The following STK32B variants were observed in gnomAD, a reference collection of about 807,000 sequenced individuals.
STK32B encodes serine/threonine kinase 32B, also known as serine/threonine-protein kinase 32B.
In STK32B, 43 loss-of-function variants were observed where a neutral mutation model predicts 52.6. That is an observed-to-expected ratio of 0.82 (90% CI 0.64 to 1.05). The LOEUF is 1.05. Ranked by LOEUF, STK32B falls within the 50% of genes least tolerant of loss-of-function variation. STK32B has a pLI of 0.00. For synonymous variants in STK32B, 238 were observed against 204.3 expected (o/e 1.17, Z -1.41); for missense variants, 621 against 534.6 (o/e 1.16, Z -1.59).
intron 4 of STK32B, among the ~76,000 whole-genome samples, chr4:5,353,268 A>T (rs1733954554): frequency 6.6e-6 from 1 of 152,182 alleles, no homozygotes; most frequent in Non-Finnish European, 1.5e-5. Flanking sequence ...TGGATTAAAG[A>T]CTTATATGTA....
intron 3 of STK32B, among the ~76,000 whole-genome samples, chr4:5,175,434 T>G (rs1387873722): frequency 1.3e-5 from 2 of 152,226 alleles, no homozygotes. Flanking sequence ...CTTTTTGGTT[T>G]TATCTACCTT....
intron 3 of STK32B, among the ~76,000 whole-genome samples, chr4:5,235,480 T>G (rs533315087): frequency 1.5e-4 from 23 of 152,300 alleles, no homozygotes; most frequent in African/African-American, 5.3e-4. Context: ...TGGCAAGCAC[T>G]TAGACTAGTA....
chr4:5,358,788 C>T (rs777054552), intron 4 of STK32B, among the ~76,000 whole-genome samples: 12 of 152,076 alleles, frequency 7.9e-5, no homozygotes, highest in African/African-American at 1.2e-4. Context: ...GCCTCCCTTT[C>T]CCCATCTTGA....
intron 6 of STK32B, among the ~76,000 whole-genome samples, chr4:5,437,122 G>A (rs769179691): frequency 6.6e-6 from 1 of 152,198 alleles, no homozygotes; most frequent in African/African-American, 2.4e-5. Flanking sequence ...CCCAGTACAC[G>A]GGAAAGGACC....
intron 4 of STK32B, among the ~76,000 whole-genome samples, chr4:5,354,567 A>G (rs1734053197): frequency 6.6e-6 from 1 of 152,182 alleles, no homozygotes; most frequent in East Asian, 1.9e-4. Context: ...GCCTGGCCCC[A>G]ATGGAAGGTG....
chr4:5,285,308 A>G (rs1728475803), intron 3 of STK32B, among the ~76,000 whole-genome samples: 2 of 152,110 alleles, frequency 1.3e-5, no homozygotes, highest in Admixed American at 1.3e-4. Context: ...CATGTTGTTT[A>G]GGGTCAACTT....
chr4:5,174,628 C>T (rs1021615114), intron 3 of STK32B, among the ~76,000 whole-genome samples: 30 of 152,284 alleles, frequency 2.0e-4, no homozygotes, highest in African/African-American at 7.0e-4. Flanking sequence ...TGAATATTGG[C>T]CTCCACTCTC....
At chr4:5,078,044 C>T (rs564702456) in intron 1 of STK32B, among the ~76,000 whole-genome samples, 1 of 152,238 alleles carries the variant, frequency 6.6e-6, no homozygotes, top group African/African-American at 2.4e-5. Flanking sequence ...CTTCTCTCAA[C>T]GTCTTAACAT....
At chr4:5,282,990 G>C (rs539902077) in intron 3 of STK32B, among the ~76,000 whole-genome samples, 20 of 152,076 alleles carry the variant, frequency 1.3e-4, no homozygotes, top group Non-Finnish European at 2.6e-4. Flanking sequence ...ATTTACTGTA[G>C]TGCCCTGCTG....
intron 9 of STK32B, among the ~76,000 whole-genome samples, chr4:5,463,650 C>T (rs1717209187): frequency 1.3e-5 from 2 of 151,862 alleles, no homozygotes; most frequent in South Asian, 4.2e-4. Context: ...CCCATACAAA[C>T]ACACACACAC....
chr4:5,357,785 A>G (rs1670411989), intron 4 of STK32B, among the ~76,000 whole-genome samples: 1 of 151,838 alleles, frequency 6.6e-6, no homozygotes, highest in Non-Finnish European at 1.5e-5. Flanking sequence ...ATTAGTAAAC[A>G]GGGGGAAAAC....
intron 3 of STK32B, among the ~76,000 whole-genome samples, chr4:5,262,695 C>T (rs757093535): frequency 1.3e-5 from 2 of 151,418 alleles, no homozygotes; most frequent in African/African-American, 2.4e-5. Context: ...AAGTATTAAC[C>T]AATTTTTTAA....
intron 3 of STK32B, among the ~76,000 whole-genome samples, chr4:5,261,183 C>T (rs989626228): frequency 2.0e-5 from 3 of 152,164 alleles, no homozygotes; most frequent in African/African-American, 7.2e-5. Flanking sequence ...TCACTACAGC[C>T]TGGCCCTGCT....
chr4:5,198,781 G>A (rs1373847345), intron 3 of STK32B, among the ~76,000 whole-genome samples: 2 of 152,174 alleles, frequency 1.3e-5, no homozygotes, highest in Non-Finnish European at 2.9e-5. Context: ...ATGCTCTACT[G>A]CATCCAAACA....
At chr4:5,205,703 CGTGTGT>C (rs71169688) in intron 3 of STK32B, among the ~76,000 whole-genome samples, 83 of 141,028 alleles carry the variant, frequency 5.9e-4, no homozygotes, top group Middle Eastern at 3.5e-3. Flanking sequence ...GGCGCGCGCG[CGTGTGT>C]GTGTGTGTGT....
intron 3 of STK32B, among the ~76,000 whole-genome samples, chr4:5,285,015 C>A (rs1360704438): frequency 2.7e-5 from 4 of 147,420 alleles, no homozygotes; most frequent in African/African-American, 1.1e-4. Flanking sequence ...ACAAATTGTT[C>A]ATCTTATAAA....
rs139433028 is a variant in STK32B, at chr4:5,395,649, G to T, written c.435-2558G>T. On this transcript the variant is annotated intron_variant, in intron 4 of 11. Coordinates refer to ENST00000282908, the MANE Select transcript of STK32B (RefSeq NM_018401.3). This position sits in a 1 kb window ranked among gnomAD's most constrained non-coding sequence, Gnocchi z 4.4. The stretch of plus-strand genomic sequence containing the variant: ...TGTTCACGACGTGTCCTTCATGACC[G>T]CAAAGGGGACACCCCCGTAAATGCT... Among the ~76,000 whole-genome samples, 1 of 152,150 alleles carries T rather than the reference G, an allele frequency of 6.6e-6. No individual in the cohort carries two copies. Among genetic ancestry groups the T allele is most frequent in the Non-Finnish European group, 1.5e-5 (1 of 68,052 alleles).
chr4:5,246,901 C>T lies in STK32B; in HGVS notation c.260+78451C>T, dbSNP rs572435386. On this transcript the variant is annotated intron_variant, in intron 3 of 11. Transcript: ENST00000282908. ...TGCAGAACAGTGGATATTGGTGAGC[C>T]GCAAATGCTGCTGCCTGATCATTCC... Among the ~76,000 whole-genome samples the T allele has an allele frequency of 1.2e-4, 19 of 152,274 alleles. No homozygotes were observed. In the South Asian group the frequency reaches 1.5e-3, roughly 12 times the overall value.
intron 3 of STK32B, among the ~76,000 whole-genome samples, chr4:5,237,607 AGAG>A (rs1724718965): frequency 6.6e-6 from 1 of 152,256 alleles, no homozygotes; most frequent in African/African-American, 2.4e-5. Flanking sequence ...CTTATTAAAA[AGAG>A]AAATGGAAAT....
Sources: allele counts gnomAD v4.1 joint callset (sites outside exome capture counted in the v4.1 genomes callset), GRCh38; gene constraint gnomAD v4.1.1; non-coding constraint Gnocchi (gnomAD v3.1); transcripts MANE v1.5; gene names NCBI Gene and HGNC (gene_info 2026-07-23, HGNC 2026-07-21).